The following KLF7 variants were observed in gnomAD, a reference collection of about 807,000 sequenced individuals.
KLF7 encodes the protein KLF transcription factor 7.
A neutral mutation model predicts 27.3 loss-of-function variants in KLF7; 2 were observed. The observed-to-expected ratio is 0.07, with a 90% CI of 0.03 to 0.23. KLF7 has a LOEUF of 0.23. Among genes scored for constraint, KLF7 ranks in the 10% least tolerant of loss-of-function variants. KLF7 has a pLI of 1.00. For synonymous variants in KLF7, 165 were observed against 162.4 expected (o/e 1.02, Z -0.12); for missense variants, 221 against 394.1 (o/e 0.56, Z 3.72).
At chr2:207,102,893 G>A (rs908789198) in intron 2 of KLF7, among the ~76,000 whole-genome samples, 1 of 152,040 alleles carries the variant, frequency 6.6e-6, no homozygotes, top group Non-Finnish European at 1.5e-5. Flanking sequence ...CTGATGAGAC[G>A]TAAGTGGCAG....
At chr2:207,091,625 G>A (rs928008970) in intron 2 of KLF7, among the ~76,000 whole-genome samples, 4 of 152,204 alleles carry the variant, frequency 2.6e-5, no homozygotes, top group African/African-American at 7.2e-5. Flanking sequence ...AGCAGTGCCT[G>A]AAGGCAGAAC....
intron 2 of KLF7, among the ~76,000 whole-genome samples, chr2:207,100,388 A>C (rs2076738412): frequency 6.6e-6 from 1 of 152,168 alleles, no homozygotes; most frequent in African/African-American, 2.4e-5. Flanking sequence ...ACCTTACTCA[A>C]ATATAAAGTC....
chr2:207,113,012 C>T (rs917716865), intron 2 of KLF7, among the ~76,000 whole-genome samples: 1 of 152,226 alleles, frequency 6.6e-6, no homozygotes, highest in Admixed American at 6.5e-5. Context: ...CCTCCCTTTA[C>T]TCCTTCATAA....
chr2:207,173,064 T>C, the KLF7 span, among the ~76,000 whole-genome samples: 1 of 151,796 alleles, frequency 6.6e-6, no homozygotes, highest in Admixed American at 6.6e-5. Flanking sequence ...TCGTAGAAAA[T>C]GTGAGTGTCA....
At chr2:207,139,766 T>C (rs2077889193) in intron 1 of KLF7, among the ~76,000 whole-genome samples, 1 of 152,248 alleles carries the variant, frequency 6.6e-6, no homozygotes, top group South Asian at 2.1e-4. Context: ...TCTCTGGTCA[T>C]TGCAAGTCTT....
At chr2:207,168,323 C>T (rs964642812), upstream of KLF7, among the ~76,000 whole-genome samples, 1 of 152,108 alleles carries the variant, frequency 6.6e-6, no homozygotes, top group Non-Finnish European at 1.5e-5. Context: ...TCGAATGTGC[C>T]GTATGCGCAT....
rs6715253 is a variant in KLF7, at chr2:207,095,103, C to T, written c.734-6522G>A. Among the ~76,000 whole-genome samples, 1,332 of 140,052 alleles carry T rather than the reference C, an allele frequency of 9.5e-3. 19 individuals carry two copies. The highest frequency in any genetic ancestry group is 0.034 in the African/African-American group (1,258 of 37,370). The allele number at this position is 140,052 out of a possible 152,430, so 91.9% of individuals were successfully genotyped here. A position where few individuals can be genotyped will look rare whatever the true frequency, so the allele number is the denominator to read the frequency against. On this transcript the variant is annotated intron_variant, in intron 2 of 3. Coordinates refer to ENST00000309446, the MANE Select transcript of KLF7 (RefSeq NM_003709.4). ...TTGCCCAGGCTGGAGTGCAGTGGCG[C>T]GATCTCGGCTCACTGCAAGCTCCGC...
upstream of KLF7, among the ~76,000 whole-genome samples, chr2:207,168,609 T>C (rs1028226710): frequency 7.9e-5 from 12 of 152,190 alleles, no homozygotes; most frequent in South Asian, 4.1e-4. Context: ...GAGGCTTCCA[T>C]TGAGACTTTT....
At chr2:207,158,745 G>A (rs766209454) in intron 1 of KLF7, among the ~76,000 whole-genome samples, 68 of 152,236 alleles carry the variant, frequency 4.5e-4, no homozygotes, top group South Asian at 8.3e-4. Flanking sequence ...CAAAATATTC[G>A]ATAACTTGTT....
At chr2:207,143,943 A>G (rs2078018544) in intron 1 of KLF7, among the ~76,000 whole-genome samples, 1 of 152,136 alleles carries the variant, frequency 6.6e-6, no homozygotes, top group Admixed American at 6.5e-5. Flanking sequence ...CCAATAGAGC[A>G]GCATTATTAA....
intron 1 of KLF7, among the ~76,000 whole-genome samples, chr2:207,150,229 T>C (rs1018654257): frequency 3.9e-5 from 6 of 152,264 alleles, no homozygotes; most frequent in East Asian, 1.9e-4. Flanking sequence ...CCAATAGTTA[T>C]ACAATACTGT....
At chr2:207,088,852 G>A (rs561838657) in intron 2 of KLF7, among the ~76,000 whole-genome samples, 1 of 152,120 alleles carries the variant, frequency 6.6e-6, no homozygotes, top group Non-Finnish European at 1.5e-5. Context: ...CCCAGAGTCA[G>A]AGCATTTCCT....
chr2:207,090,963 G>A (rs2076498193), intron 2 of KLF7, among the ~76,000 whole-genome samples: 1 of 152,152 alleles, frequency 6.6e-6, no homozygotes, highest in South Asian at 2.1e-4. Flanking sequence ...TTCGAATGTA[G>A]TTAAAACTGG....
chr2:207,147,178 T>C (rs942030322), intron 1 of KLF7, among the ~76,000 whole-genome samples: 2 of 152,318 alleles, frequency 1.3e-5, no homozygotes, highest in Admixed American at 6.5e-5. Flanking sequence ...TTATAGACAG[T>C]GGTTAGTGGT....
chr2:207,113,738 G>C (rs2077103182), intron 2 of KLF7, among the ~76,000 whole-genome samples: 1 of 151,908 alleles, frequency 6.6e-6, no homozygotes, highest in Non-Finnish European at 1.5e-5. Flanking sequence ...TGCTGATGTG[G>C]TTTCCTAGTA....
Position 207,165,942 on chromosome 2 carries a change from C to T in KLF7, c.-374G>A. On this transcript the variant is annotated 5_prime_UTR_variant, in exon 1 of 4. Coordinates refer to ENST00000309446, the MANE Select transcript of KLF7 (RefSeq NM_003709.4). ...ACGAAGCTGCCATCTATTTCTGCAG[C>T]GCTGTTCGCTCCTAATGCAATCTTT... 1 of 1,063,378 alleles carries T rather than the reference C, an allele frequency of 9.4e-7. No homozygotes were observed. Among genetic ancestry groups the T allele is most frequent in the South Asian group, 3.7e-5 (1 of 26,754 alleles). 65.9% of individuals were successfully genotyped at this position (1,063,378 alleles called of 1,614,324 possible).
intron 1 of KLF7, among the ~76,000 whole-genome samples, chr2:207,161,944 A>AATTCAATGAATTCAATGATT: frequency 6.6e-6 from 1 of 152,258 alleles, no homozygotes; most frequent in Admixed American, 6.5e-5. Flanking sequence ...AGCATTAACA[A>AATTCAATGAATTCAATGATT]CAAACATAAT....
chr2:207,164,993 C>T (rs1204461957), intron 1 of KLF7, among the ~76,000 whole-genome samples: 1 of 138,498 alleles, frequency 7.2e-6, no homozygotes, highest in African/African-American at 2.6e-5. Flanking sequence ...TTTGCTCCTG[C>T]CCACCCTCCC....
chr2:207,116,742 G>C (rs183069086), intron 2 of KLF7, among the ~76,000 whole-genome samples: 13 of 152,190 alleles, frequency 8.5e-5, no homozygotes, highest in Admixed American at 7.2e-4. Flanking sequence ...GACTTCTCAT[G>C]ACCCTCTTCT....
Sources: allele counts gnomAD v4.1 joint callset (sites outside exome capture counted in the v4.1 genomes callset), GRCh38; gene constraint gnomAD v4.1.1; transcripts MANE v1.5; gene names NCBI Gene and HGNC (gene_info 2026-07-23, HGNC 2026-07-21).